The following SENP5 variants were observed in gnomAD, a reference collection of about 807,000 sequenced individuals.
SENP5 encodes sentrin-specific protease 5.
A neutral mutation model predicts 74.2 loss-of-function variants in SENP5; 21 were observed. The observed-to-expected ratio is 0.28, with a 90% CI of 0.20 to 0.41. The LOEUF (loss-of-function observed/expected upper bound fraction) is 0.41, where lower values mean the gene tolerates loss of function less well. SENP5 is among the 10% of genes least tolerant of loss of function. The pLI is 1.00. For missense variants in SENP5, 717 were observed against 889.1 expected, an observed-to-expected ratio of 0.81 and a Z score of 2.46; for synonymous variants, 311 against 312.7, an observed-to-expected ratio of 0.99 and a Z score of 0.06.
At chr3:196,930,642 CT>C (rs892092312) in intron 9 of SENP5, among the ~76,000 whole-genome samples, 170 bp from the exon 10 acceptor site, 11 of 152,144 alleles carry the variant, frequency 7.2e-5, no homozygotes, top group Non-Finnish European at 1.3e-4. Context: ...AACCAACCCC[CT>C]CTCCCCCAAG....
chr3:196,870,518 ATTTTCTTTTT>A (rs1713167981), intron 1 of SENP5, among the ~76,000 whole-genome samples: 1 of 151,550 alleles, frequency 6.6e-6, no homozygotes, highest in Non-Finnish European at 1.5e-5. Flanking sequence ...TAGCATGTTG[ATTTTCTTTTT>A]TTTTCTTTTG....
rs1217677663 is a variant in SENP5 at position 196,914,582 on chromosome 3, A to AT, written c.1885-8832_1885-8831insT. ...TTTGCTTTAAAAAAAAAAAAAAAAA[A>AT]AAAAATATATATATATATATATATA... On this transcript the variant is annotated intron_variant, in intron 6 of 9. Transcript: ENST00000323460. The AT allele has an allele frequency of 1.4e-3, 94 of 65,854 alleles. 1 individual carries two copies. The highest frequency in any genetic ancestry group is 6.7e-3 in the East Asian group (23 of 3,434). The allele number at this position is 65,854 out of a possible 1,614,324, so 4.1% of individuals were successfully genotyped here. A position where few individuals can be genotyped will look rare whatever the true frequency, so the allele number is the denominator to read the frequency against.
intron 6 of SENP5, among the ~76,000 whole-genome samples, chr3:196,904,172 A>G (rs921233191): frequency 1.3e-5 from 2 of 152,216 alleles, no homozygotes; most frequent in African/African-American, 2.4e-5. Context: ...GGTAAGTGCT[A>G]TTTGCTATGG....
Position 196,886,266 on chromosome 3 carries a change from C to G in SENP5, c.1085C>G (p.Ser362Cys), listed in dbSNP as rs1355155806. 1 of 1,613,918 alleles carries G rather than the reference C, an allele frequency of 6.2e-7. No individual in the cohort carries two copies. Among genetic ancestry groups the G allele is most frequent in the African/African-American group, 1.3e-5 (1 of 74,916 alleles). ...ATNAWDQSSC[S>C]SPKWECTELI... ...AACGCCTGGGACCAGTCATCCTGTT[C>G]TTCTCCTAAGTGGGAGTGTACAGAG... The change falls in exon 2 of 10, where the codon TCT becomes TGT. Residue 362 changes from serine to cysteine, a missense_variant. This residue lies in a region of SENP5 where 567 missense variants were observed against 577.4 expected (regional missense o/e 0.98). Coordinates refer to ENST00000323460, the MANE Select transcript of SENP5 (RefSeq NM_152699.5).
chr3:196,908,815 C>T (rs967061709), intron 6 of SENP5, among the ~76,000 whole-genome samples: 1 of 92,360 alleles, frequency 1.1e-5, no homozygotes, highest in Admixed American at 9.3e-5. Context: ...AAGAGTGAAA[C>T]TCTGTCTCAA....
intron 5 of SENP5, among the ~76,000 whole-genome samples, chr3:196,902,520 G>A (rs1714740731): frequency 6.6e-6 from 1 of 152,170 alleles, no homozygotes; most frequent in South Asian, 2.1e-4. Context: ...AGATTACTGG[G>A]CCCTGCCTTC....
intron 1 of SENP5, among the ~76,000 whole-genome samples, chr3:196,873,938 A>G (rs946309283): frequency 1.2e-4 from 18 of 152,010 alleles, no homozygotes; most frequent in Non-Finnish European, 2.5e-4. Context: ...CTTGACCTCA[A>G]AGGATCCTTC....
intron 6 of SENP5, among the ~76,000 whole-genome samples, chr3:196,917,031 C>T (rs568679588): frequency 3.3e-5 from 5 of 151,866 alleles, no homozygotes; most frequent in East Asian, 3.9e-4. Context: ...GTATGCAGAA[C>T]GCTGAAGCAC....
chr3:196,873,228 C>T (rs569807736), intron 1 of SENP5, among the ~76,000 whole-genome samples: 1 of 152,048 alleles, frequency 6.6e-6, no homozygotes, highest in South Asian at 2.1e-4. Flanking sequence ...CACATGCCAC[C>T]ATGCCCGGCT....
chr3:196,907,527 CA>C (rs369688294), intron 6 of SENP5, among the ~76,000 whole-genome samples: 1 of 150,494 alleles, frequency 6.6e-6, no homozygotes, highest in African/African-American at 2.4e-5. Flanking sequence ...GCAGTGTGGG[CA>C]AAAAATATAC....
intron 2 of SENP5, among the ~76,000 whole-genome samples, chr3:196,893,939 T>A (rs1714324112): frequency 6.6e-6 from 1 of 151,626 alleles, no homozygotes; most frequent in Non-Finnish European, 1.5e-5. Context: ...TTAGTGTGTT[T>A]AAGAAATACA....
intron 6 of SENP5, among the ~76,000 whole-genome samples, chr3:196,909,428 C>T (rs150262224): frequency 0.011 from 1,661 of 152,306 alleles, 20 homozygotes; most frequent in African/African-American, 0.032. Flanking sequence ...CCGGCATCAT[C>T]CTGATACCAA....
At chr3:196,892,878 T>C (rs1417805970) in intron 2 of SENP5, among the ~76,000 whole-genome samples, 1 of 152,174 alleles carries the variant, frequency 6.6e-6, no homozygotes, top group Non-Finnish European at 1.5e-5. Context: ...TGACAGGATG[T>C]TTTAAGGCTG....
intron 1 of SENP5, among the ~76,000 whole-genome samples, chr3:196,877,246 T>G (rs1324640803): frequency 6.6e-6 from 1 of 152,146 alleles, no homozygotes; most frequent in African/African-American, 2.4e-5. Context: ...TGCAGTGGCA[T>G]GATCTTGGCT....
At chr3:196,875,527 C>T (rs568799894) in intron 1 of SENP5, among the ~76,000 whole-genome samples, 2 of 152,210 alleles carry the variant, frequency 1.3e-5, no homozygotes, top group East Asian at 1.9e-4. Flanking sequence ...CTACCCCTTC[C>T]GTGCCTCTAA....
Position 196,886,831 on chromosome 3 carries a change from A to G in SENP5, c.1513+137A>G, listed in dbSNP as rs74746410. ...CCAGTTAGTCTGCTTGAAGCCTTTT[A>G]TATTGCTGCATTATGTAGATGTTCC... On this transcript the variant is annotated intron_variant, in intron 2 of 9. Transcript: ENST00000323460. 2.4e-3 allele frequency: 1,407 copies of G among 589,494 alleles called. 25 individuals carry two copies. In the East Asian group the frequency reaches 0.035, roughly 15 times the overall value. 36.5% of individuals were successfully genotyped at this position (589,494 alleles called of 1,614,324 possible).
rs115784375 is a variant in SENP5 at position 196,931,975 on chromosome 3, G to A, written c.*1052G>A. The A allele has an allele frequency of 2.7e-5, 12 of 445,998 alleles. No homozygotes were observed. The highest frequency in any genetic ancestry group is 1.5e-4 in the East Asian group (2 of 13,546). The allele number at this position is 445,998 out of a possible 1,614,324, so 27.6% of individuals were successfully genotyped here. On this transcript the variant is annotated 3_prime_UTR_variant, in exon 10 of 10. Coordinates refer to ENST00000323460, the MANE Select transcript of SENP5 (RefSeq NM_152699.5). ...TTAGTCCCATGGGAGCGCAGCAACC[G>A]TGTCAGGTTCTTTCTCCTGTCCCAT...
At chr3:196,923,641 A>G (rs1715707576) in intron 7 of SENP5, 90 bp downstream of exon 7, 1 of 829,534 alleles carries the variant, frequency 1.2e-6, no homozygotes, top group South Asian at 1.8e-5. Flanking sequence ...AGTCAAAACC[A>G]TATAGGAACA....
At chr3:196,869,264 G>T (rs532630491) in intron 1 of SENP5, among the ~76,000 whole-genome samples, 1 of 151,776 alleles carries the variant, frequency 6.6e-6, no homozygotes, top group South Asian at 2.1e-4. Flanking sequence ...GCAGTGGCGC[G>T]ATCTTTTCAG....
Sources: allele counts gnomAD v4.1 joint callset (sites outside exome capture counted in the v4.1 genomes callset), GRCh38; gene constraint gnomAD v4.1.1; regional missense constraint gnomAD v4.1.1; transcripts MANE v1.5; gene names NCBI Gene and HGNC (gene_info 2026-07-23, HGNC 2026-07-21).